Variants in MYOF observed in about 807,000 individuals in gnomAD.
MYOF encodes myoferlin.
MYOF carries 244 observed loss-of-function variants against 284.2 expected under a neutral mutation model. The observed-to-expected ratio is 0.86, with a 90% CI of 0.77 to 0.95. The LOEUF is 0.95. Among genes scored for constraint, MYOF ranks in the 40% least tolerant of loss-of-function variants. The pLI, the probability that MYOF is intolerant of heterozygous loss-of-function variation, is 0.00. For missense variants in MYOF, 2,496 were observed against 2,560.6 expected (o/e 0.97, Z 0.54); for synonymous variants, 904 against 919.7 (o/e 0.98, Z 0.31).
At chr10:93,329,879 G>A in intron 43 of MYOF, 45 bp from the exon 44 acceptor site, 1 of 1,598,416 alleles carries the variant, frequency 6.3e-7, no homozygotes, top group Non-Finnish European at 8.6e-7. Flanking sequence ...ATCCATCTGA[G>A]TACCTCACAA....
intron 5 of MYOF, among the ~76,000 whole-genome samples, chr10:93,415,222 T>G (rs1191725225): frequency 6.6e-6 from 1 of 151,562 alleles, no homozygotes; most frequent in Non-Finnish European, 1.5e-5. Flanking sequence ...TGCATGCCCC[T>G]CGATCCCTTT....
chr10:93,309,702 G>A lies in MYOF; in HGVS notation c.6147+318C>T, dbSNP rs149342515. Among the ~76,000 whole-genome samples the A allele has an allele frequency of 1.5e-4, 23 of 152,258 alleles. No individual in the cohort carries two copies. The East Asian group carries it at 4.2e-3, about 28-fold the overall frequency. On this transcript the variant is annotated intron_variant, in intron 53 of 53. Coordinates refer to ENST00000359263, the MANE Select transcript of MYOF (RefSeq NM_013451.4). ...TGGTTTGGAACAAGAAAGTCTGAAGGCAGGAAGATCAGCTGGAAACGCTGG... is the reference window on the plus strand; with the variant it reads ...TGGTTTGGAACAAGAAAGTCTGAAGACAGGAAGATCAGCTGGAAACGCTGG...
intron 7 of MYOF, 122 bp from the exon 8 acceptor site, chr10:93,404,341 A>C: frequency 1.0e-6 from 1 of 959,392 alleles, no homozygotes; most frequent in South Asian, 1.5e-5. Flanking sequence ...ATTAGGTTTG[A>C]CCATGTGAAC....
chr10:93,396,453 G>A (rs1002057601), intron 15 of MYOF, among the ~76,000 whole-genome samples: 3 of 152,046 alleles, frequency 2.0e-5, no homozygotes, highest in Non-Finnish European at 4.4e-5. Context: ...GCCTAGAGTG[G>A]GGACTAAGAA....
intron 7 of MYOF, among the ~76,000 whole-genome samples, chr10:93,404,642 A>AG (rs1847465935): frequency 1.1e-5 from 1 of 88,988 alleles, no homozygotes; most frequent in East Asian, 2.2e-4. Context: ...AGGCCATCTC[A>AG]AAAAAAAAAA....
intron 3 of MYOF, among the ~76,000 whole-genome samples, chr10:93,432,811 C>G (rs1487308508): frequency 6.6e-6 from 1 of 152,192 alleles, no homozygotes; most frequent in African/African-American, 2.4e-5. Context: ...GCCTGTTTTA[C>G]TCACTACTCT....
intron 52 of MYOF, 146 bp downstream of exon 52, chr10:93,310,388 T>C: frequency 1.0e-6 from 1 of 987,296 alleles, no homozygotes; most frequent in African/African-American, 1.6e-5. Context: ...TGAAGCCAGA[T>C]CACCAACCTC....
At chr10:93,372,590 TTTCTTTCCCC>T (rs1433579215) in intron 24 of MYOF, among the ~76,000 whole-genome samples, 1 of 152,210 alleles carries the variant, frequency 6.6e-6, no homozygotes, top group Admixed American at 6.5e-5. Flanking sequence ...CTGCTTTCTC[TTTCTTTCCCC>T]AACATTCACT....
chr10:93,313,277 CAG>C, intron 50 of MYOF, 67 bp from the exon 51 acceptor site: 3 of 1,482,266 alleles, frequency 2.0e-6, no homozygotes, highest in Non-Finnish European at 1.8e-6. Flanking sequence ...CACAAGTGAA[CAG>C]AACGTTCTTA....
chr10:93,427,530 CAAAAA>C (rs11293315), intron 4 of MYOF, among the ~76,000 whole-genome samples: 4 of 81,818 alleles, frequency 4.9e-5, no homozygotes, highest in South Asian at 4.6e-4. Context: ...GACTCCGTCT[CAAAAA>C]AAAAAAAAAA....
At chr10:93,389,887 C>T (rs865773996) in intron 17 of MYOF, among the ~76,000 whole-genome samples, 27 of 152,156 alleles carry the variant, frequency 1.8e-4, no homozygotes, top group African/African-American at 6.0e-4. Flanking sequence ...GAATGGCCCC[C>T]CATGGGAGAG....
At chr10:93,342,106 C>T (rs565766507) in intron 38 of MYOF, 6 of 468,052 alleles carry the variant, frequency 1.3e-5, no homozygotes, top group Admixed American at 6.0e-5. Context: ...TAAGAATTTC[C>T]ATGGACATCA....
chr10:93,400,017 T>TGA (rs1256954399), intron 12 of MYOF, among the ~76,000 whole-genome samples: 2 of 152,084 alleles, frequency 1.3e-5, no homozygotes, highest in Admixed American at 6.5e-5. Flanking sequence ...GGTGACAGAG[T>TGA]GAGGCTCTAT....
rs1448045404 is a variant in MYOF at position 93,333,296 on chromosome 10, T to C, written c.4736A>G (p.Lys1579Arg). The C allele has an allele frequency of 1.2e-5, 20 of 1,614,028 alleles. No homozygotes were observed. Among genetic ancestry groups the C allele is most frequent in the Non-Finnish European group, 1.5e-5 (18 of 1,179,894 alleles). The change falls in exon 43 of 54, where the codon AAA becomes AGA. Residue 1579 changes from lysine to arginine, a missense_variant. By Grantham distance (26) the Lys-to-Arg change is conservative (BLOSUM62 2). Transcript: ENST00000359263. ...AATGACTTTTTTGCCCAGTGTTATT[T>C]TTATGTAAGGGTCACACTGTGGGAC... is the stretch of plus-strand genomic sequence containing the variant. ...DNNGLCDPYI[K>R]ITLGKKVIED...
Position 93,306,894 on chromosome 10 carries a change from G to A in MYOF, c.*69C>T. ...GTGGTCTCAGACACAAAATCACACT[G>A]GATGTTGGTCTACAGAGGCAGGATT... On this transcript the variant is annotated 3_prime_UTR_variant, in exon 54 of 54. Coordinates refer to ENST00000359263, the MANE Select transcript of MYOF (RefSeq NM_013451.4). The A allele has an allele frequency of 6.7e-7, 1 of 1,495,106 alleles. No individual in the cohort carries two copies. The highest frequency in any genetic ancestry group is 9.3e-7 in the Non-Finnish European group (1 of 1,074,446). The allele number at this position is 1,495,106 out of a possible 1,614,324, so 92.6% of individuals were successfully genotyped here.
intron 13 of MYOF, 121 bp downstream of exon 13, chr10:93,399,271 G>C: frequency 1.4e-6 from 1 of 700,368 alleles, no homozygotes. Flanking sequence ...TGTTCCCTCA[G>C]AGTGCCTGGC....
At position 93,482,240 on chromosome 10, in the gene MYOF, CTA is replaced by C. The variant is rs775615262; in HGVS notation, c.-48_-47del. On this transcript the variant is annotated 5_prime_UTR_variant, in exon 1 of 54. Coordinates refer to ENST00000359263, the MANE Select transcript of MYOF (RefSeq NM_013451.4). ...CAAGTTTCAGCAAACGAAGTGGAGACTAGGGCGCTGGAGCTCCGGGTCGCACC... is the reference window on the plus strand; with the variant it reads ...CAAGTTTCAGCAAACGAAGTGGAGACGGGCGCTGGAGCTCCGGGTCGCACC... 6.5e-7 allele frequency: 1 copy of C among 1,543,076 alleles called. No individual in the cohort carries two copies. The highest frequency in any genetic ancestry group is 1.7e-5 in the Admixed American group (1 of 57,670).
rs2296142 is a variant in MYOF, at chr10:93,408,877, A to G, written c.639T>C (p.Gly213=). The G allele has an allele frequency of 0.069, 110,570 of 1,614,054 alleles. 13,730 individuals carry two copies. The highest frequency in any genetic ancestry group is 0.67 in the East Asian group (30,024 of 44,856). The change falls in exon 7 of 54, where the codon GGT becomes GGC. Residue 213 remains glycine (G), a synonymous_variant. Coordinates refer to ENST00000359263, the MANE Select transcript of MYOF (RefSeq NM_013451.4). ...CTTTGACCACAGGCCTTATGTTGTTACCACTTAACTGTCGGCCCTCAATCA... is the reference window on the plus strand; with the variant it reads ...CTTTGACCACAGGCCTTATGTTGTTGCCACTTAACTGTCGGCCCTCAATCA... ...VRVIEGRQLS[G]NNIRPVVKVH... is the part of the protein sequence containing the mutation.
intron 5 of MYOF, among the ~76,000 whole-genome samples, chr10:93,418,594 A>G (rs964791850): frequency 3.3e-5 from 5 of 152,204 alleles, no homozygotes; most frequent in African/African-American, 1.2e-4. Flanking sequence ...AACAAAGCCC[A>G]GAGATCTATG....
Sources: allele counts gnomAD v4.1 joint callset (sites outside exome capture counted in the v4.1 genomes callset), GRCh38; gene constraint gnomAD v4.1.1; transcripts MANE v1.5; gene names NCBI Gene and HGNC (gene_info 2026-07-23, HGNC 2026-07-21).